The following ESRRG variants were observed in gnomAD, a reference collection of about 807,000 sequenced individuals.
ESRRG encodes the protein estrogen-related receptor gamma.
ESRRG carries 13 observed loss-of-function variants against 44.0 expected under a neutral mutation model. The observed-to-expected ratio is 0.30, with a 90% CI of 0.19 to 0.47. The LOEUF (loss-of-function observed/expected upper bound fraction) is 0.47, where lower values mean the gene tolerates loss of function less well. Among genes scored for constraint, ESRRG ranks in the 20% least tolerant of loss-of-function variants. The pLI is 1.00. For synonymous variants in ESRRG, 215 were observed against 214.6 expected, an observed-to-expected ratio of 1.00 and a Z score of -0.02; for missense variants, 395 against 580.6, an observed-to-expected ratio of 0.68 and a Z score of 3.29.
At chr1:216,910,547 C>T (rs147233866) in intron 2 of ESRRG, among the ~76,000 whole-genome samples, 35 of 152,292 alleles carry the variant, frequency 2.3e-4, no homozygotes, top group African/African-American at 7.7e-4. Context: ...AAGCAATTCA[C>T]ATTAATTCAG....
chr1:216,672,443 G>C (rs1004969148), intron 2 of ESRRG, among the ~76,000 whole-genome samples: 1 of 152,154 alleles, frequency 6.6e-6, no homozygotes, highest in Non-Finnish European at 1.5e-5. Context: ...GCTCTGAAAA[G>C]AACAATTTGT....
At chr1:216,915,253 A>C (rs1346990835) in intron 2 of ESRRG, among the ~76,000 whole-genome samples, 1 of 152,176 alleles carries the variant, frequency 6.6e-6, no homozygotes, top group Non-Finnish European at 1.5e-5. Context: ...GAAGACAAAG[A>C]AGATACATAA....
chr1:216,781,561 G>C (rs771773279), intron 2 of ESRRG, among the ~76,000 whole-genome samples: 1 of 151,884 alleles, frequency 6.6e-6, no homozygotes, highest in Non-Finnish European at 1.5e-5. Context: ...CAAACATACC[G>C]TCACAGTTCA....
intron 2 of ESRRG, among the ~76,000 whole-genome samples, chr1:216,751,229 T>G (rs934846420): frequency 6.6e-6 from 1 of 152,152 alleles, no homozygotes; most frequent in Admixed American, 6.6e-5. Context: ...CTTTGGAAAC[T>G]ATGACTTCAG....
At chr1:217,044,599 AG>A (rs1268130551) in intron 1 of ESRRG, among the ~76,000 whole-genome samples, 1 of 152,196 alleles carries the variant, frequency 6.6e-6, no homozygotes, top group Non-Finnish European at 1.5e-5. Flanking sequence ...GGGCAATTGC[AG>A]CTCCAGATAA....
chr1:216,734,744 T>G (rs1282458153), intron 2 of ESRRG, among the ~76,000 whole-genome samples: 2 of 152,120 alleles, frequency 1.3e-5, no homozygotes, highest in Non-Finnish European at 2.9e-5. Flanking sequence ...TGAGTTTCAA[T>G]GTTTCTTTGA....
chr1:216,897,861 G>T (rs1190016122), intron 2 of ESRRG, among the ~76,000 whole-genome samples: 1 of 152,000 alleles, frequency 6.6e-6, no homozygotes, highest in African/African-American at 2.4e-5. Flanking sequence ...CTCAGTATTG[G>T]TGTACCCAGA....
chr1:216,591,899 A>T (rs553410727), intron 3 of ESRRG, among the ~76,000 whole-genome samples: 1 of 152,366 alleles, frequency 6.6e-6, no homozygotes, highest in East Asian at 1.9e-4. Context: ...GTCTCAATTT[A>T]TCGCACCACA....
intron 2 of ESRRG, among the ~76,000 whole-genome samples, chr1:216,896,011 C>T (rs1339374719): frequency 6.6e-6 from 1 of 152,142 alleles, no homozygotes; most frequent in African/African-American, 2.4e-5. Context: ...CTACCAAGTC[C>T]AAGTGTAAAC....
intron 1 of ESRRG, among the ~76,000 whole-genome samples, chr1:217,135,829 G>A (rs1396046826): frequency 6.6e-6 from 1 of 152,180 alleles, no homozygotes; most frequent in Non-Finnish European, 1.5e-5. Context: ...GGGGATTCGG[G>A]CTGCCGCGTG....
chr1:217,084,840 T>G (rs748638879), intron 1 of ESRRG, among the ~76,000 whole-genome samples: 58 of 152,332 alleles, frequency 3.8e-4, no homozygotes, highest in Non-Finnish European at 6.6e-4. Context: ...TCAACCTTTT[T>G]TGTGTGTGTG....
intron 3 of ESRRG, among the ~76,000 whole-genome samples, chr1:216,602,790 A>G (rs567368783): frequency 3.9e-5 from 6 of 152,362 alleles, no homozygotes; most frequent in South Asian, 2.1e-4. Context: ...GATTTTCCAC[A>G]AGCTCAATGT....
At chr1:217,030,377 A>G (rs1387693592) in intron 1 of ESRRG, among the ~76,000 whole-genome samples, 2 of 152,154 alleles carry the variant, frequency 1.3e-5, no homozygotes, top group Admixed American at 1.3e-4. Flanking sequence ...CCATTTTCCT[A>G]TGACTCCCAG....
intron 3 of ESRRG, among the ~76,000 whole-genome samples, chr1:216,600,505 TG>T (rs2150135461): frequency 6.6e-6 from 1 of 152,306 alleles, no homozygotes; most frequent in South Asian, 2.1e-4. Flanking sequence ...CTAAAAGTGC[TG>T]GGTTTTTGTT....
chr1:217,103,234 C>G (rs2092543475), intron 1 of ESRRG, among the ~76,000 whole-genome samples: 1 of 152,074 alleles, frequency 6.6e-6, no homozygotes, highest in South Asian at 2.1e-4. Flanking sequence ...CTCCGTCAGT[C>G]AACCTTGGTA....
At chr1:217,040,872 C>G (rs762088658) in intron 1 of ESRRG, among the ~76,000 whole-genome samples, 51 of 152,166 alleles carry the variant, frequency 3.4e-4, no homozygotes, top group Non-Finnish European at 5.9e-4. Context: ...CCACTCAACA[C>G]AGATGGAGGG....
chr1:216,770,092 C>T (rs1433746156), intron 2 of ESRRG, among the ~76,000 whole-genome samples: 1 of 151,820 alleles, frequency 6.6e-6, no homozygotes, highest in Non-Finnish European at 1.5e-5. Flanking sequence ...ATAGAAAATA[C>T]CACAGACATT....
At chr1:216,593,746 T>G (rs1409125772) in intron 3 of ESRRG, among the ~76,000 whole-genome samples, 1 of 152,230 alleles carries the variant, frequency 6.6e-6, no homozygotes, top group Non-Finnish European at 1.5e-5. Context: ...ACTTTTTGTG[T>G]GTGTGTTGGG....
rs868375615 is a variant in ESRRG, at chr1:216,922,536, G to C, written c.-14+17046C>G. Among the ~76,000 whole-genome samples, 3 of 152,282 alleles carry C rather than the reference G, an allele frequency of 2.0e-5. No homozygotes were observed. In the South Asian group the frequency reaches 6.2e-4, roughly 32 times the overall value. ...GTGCTGGTTGCCTGTTCATTAACTA[G>C]GTAGAATTACTGCAGCAAGAAGGTT... On this transcript the variant is annotated intron_variant, in intron 2 of 7. Coordinates refer to the ESRRG transcript ENST00000359162.
Sources: gnomAD v4.1 joint callset for allele counts (sites outside exome capture counted in the v4.1 genomes callset) on GRCh38, gnomAD v4.1.1 for gene constraint, MANE v1.5 for transcripts, NCBI Gene and HGNC (gene_info 2026-07-23, HGNC 2026-07-21) for gene names.